FTCDNL1: variants seen among roughly 807,000 people sequenced by gnomAD.
FTCDNL1 encodes formiminotransferase N-terminal subdomain-containing protein.
A neutral mutation model predicts 5.9 loss-of-function variants in FTCDNL1; 11 were observed. The observed-to-expected ratio is 1.87, with a 90% CI of 1.18 to 3.10. The LOEUF is 3.10. FTCDNL1 is among the 30% of genes most tolerant of loss of function. The probability of loss-of-function intolerance (pLI) is 0.00; values close to 1 mark genes in which losing one functional copy is unlikely to be tolerated. For missense variants in FTCDNL1, 115 were observed against 65.5 expected (o/e 1.76, Z -2.61); for synonymous variants, 58 against 24.8 (o/e 2.34, Z -3.99).
chr2:199,696,120 C>T, the FTCDNL1 span, among the ~76,000 whole-genome samples: 1 of 152,216 alleles, frequency 6.6e-6, no homozygotes, highest in Non-Finnish European at 1.5e-5. Context: ...TAGGCACTCT[C>T]CCGCAGCTTC....
the FTCDNL1 span, among the ~76,000 whole-genome samples, chr2:199,700,784 G>A: frequency 7.9e-5 from 12 of 152,108 alleles, no homozygotes; most frequent in African/African-American, 2.9e-4. Flanking sequence ...ACAAGCAATG[G>A]GCAAAGGACT....
intron 3 of FTCDNL1, among the ~76,000 whole-genome samples, chr2:199,831,488 T>C (rs538080176): frequency 6.6e-6 from 1 of 152,288 alleles, no homozygotes; most frequent in East Asian, 1.9e-4. Flanking sequence ...ATAAAGCAGG[T>C]AGAATGAAAT....
At chr2:199,670,396 G>C in the FTCDNL1 span, among the ~76,000 whole-genome samples, 1 of 152,172 alleles carries the variant, frequency 6.6e-6, no homozygotes, top group Non-Finnish European at 1.5e-5. Flanking sequence ...TTTTTAAGTA[G>C]AAACCCTGAT....
the FTCDNL1 span, among the ~76,000 whole-genome samples, chr2:199,680,566 A>G: frequency 1.3e-5 from 2 of 152,196 alleles, no homozygotes; most frequent in African/African-American, 4.8e-5. Flanking sequence ...CAGAGAATAA[A>G]TTTAGACTCA....
At chr2:199,817,845 C>A (rs1259007193) in intron 4 of FTCDNL1, among the ~76,000 whole-genome samples, 1 of 151,982 alleles carries the variant, frequency 6.6e-6, no homozygotes, top group Non-Finnish European at 1.5e-5. Context: ...GGCAGAGACA[C>A]AGATTATCCA....
chr2:199,713,517 C>A, the FTCDNL1 span, among the ~76,000 whole-genome samples: 1 of 152,160 alleles, frequency 6.6e-6, no homozygotes, highest in Non-Finnish European at 1.5e-5. Flanking sequence ...GATTTCCCAG[C>A]TGAAACACCA....
intron 4 of FTCDNL1, among the ~76,000 whole-genome samples, chr2:199,813,780 G>A (rs544484325): frequency 1.3e-4 from 20 of 151,836 alleles, no homozygotes; most frequent in South Asian, 6.2e-4. Flanking sequence ...GCATGGTGGC[G>A]CGTGCCTGTA....
At chr2:199,749,905 T>A in the FTCDNL1 span, among the ~76,000 whole-genome samples, 6 of 151,862 alleles carry the variant, frequency 4.0e-5, no homozygotes, top group Non-Finnish European at 8.8e-5. Context: ...GCTTCCATCT[T>A]ATATTCACAT....
chr2:199,718,062 T>A, the FTCDNL1 span, among the ~76,000 whole-genome samples: 2 of 152,088 alleles, frequency 1.3e-5, no homozygotes, highest in African/African-American at 2.4e-5. Flanking sequence ...CAATGAGTTT[T>A]AAAAATTTTT....
At chr2:199,665,442 G>C in the FTCDNL1 span, among the ~76,000 whole-genome samples, 1 of 151,990 alleles carries the variant, frequency 6.6e-6, no homozygotes, top group African/African-American at 2.4e-5. Flanking sequence ...GACCAGCCTG[G>C]CCAATGTGGT....
chr2:199,712,513 T>G, the FTCDNL1 span, among the ~76,000 whole-genome samples: 1 of 152,202 alleles, frequency 6.6e-6, no homozygotes, highest in Non-Finnish European at 1.5e-5. Context: ...AGAATCATTT[T>G]AATAACTTTA....
the FTCDNL1 span, among the ~76,000 whole-genome samples, chr2:199,667,411 A>G: frequency 1.1e-4 from 17 of 152,206 alleles, no homozygotes; most frequent in Non-Finnish European, 1.5e-4. Flanking sequence ...CCAAGATGGG[A>G]GGCTCGCGAG....
chr2:199,832,802 C>A (rs1406974641), intron 3 of FTCDNL1, among the ~76,000 whole-genome samples: 4 of 152,102 alleles, frequency 2.6e-5, no homozygotes, highest in Non-Finnish European at 2.9e-5. Flanking sequence ...TGGGGCTTTA[C>A]ACAGTCATCG....
chr2:199,697,887 T>C, the FTCDNL1 span, among the ~76,000 whole-genome samples: 5 of 152,286 alleles, frequency 3.3e-5, no homozygotes, highest in Admixed American at 3.3e-4. Flanking sequence ...ATTAGGTTAA[T>C]CTCACATTCA....
the FTCDNL1 span, among the ~76,000 whole-genome samples, chr2:199,684,342 T>A: frequency 6.6e-6 from 1 of 152,222 alleles, no homozygotes; most frequent in Admixed American, 6.5e-5. Flanking sequence ...TCAAAAATTT[T>A]TACTGAAGAC....
the FTCDNL1 span, among the ~76,000 whole-genome samples, chr2:199,738,196 C>G: frequency 2.6e-5 from 4 of 152,216 alleles, no homozygotes; most frequent in Non-Finnish European, 5.9e-5. Context: ...GGGTTTCTCT[C>G]CCCCATCCCA....
chr2:199,750,781 CTACCTTACTTGTCTGTTGA>C, the FTCDNL1 span, among the ~76,000 whole-genome samples: 1 of 152,236 alleles, frequency 6.6e-6, no homozygotes, highest in Non-Finnish European at 1.5e-5. Flanking sequence ...ATGAAAGTAG[CTACCTTACTTGTCTGTTGA>C]TATTCTCTTT....
At chr2:199,760,039 A>G (rs1423910343), downstream of FTCDNL1, among the ~76,000 whole-genome samples, 1 of 152,206 alleles carries the variant, frequency 6.6e-6, no homozygotes, top group African/African-American at 2.4e-5. Context: ...ATCACTCTGT[A>G]TATCTTCAAT....
chr2:199,687,088 T>G, the FTCDNL1 span, among the ~76,000 whole-genome samples: 1 of 152,336 alleles, frequency 6.6e-6, no homozygotes, highest in Non-Finnish European at 1.5e-5. Flanking sequence ...TACTTTCCTG[T>G]GTCTTCACAA....
Sources: gnomAD v4.1 joint callset for allele counts (sites outside exome capture counted in the v4.1 genomes callset) on GRCh38, gnomAD v4.1.1 for gene constraint, MANE v1.5 for transcripts, NCBI Gene and HGNC (gene_info 2026-07-23, HGNC 2026-07-21) for gene names.